The following FRMPD4 variants were observed in gnomAD, a reference collection of about 807,000 sequenced individuals.
FRMPD4 encodes the protein FERM and PDZ domain containing 4, also known as FERM and PDZ domain-containing protein 4.
In FRMPD4, 22 loss-of-function variants were observed where a neutral mutation model predicts 94.1. That is an observed-to-expected ratio of 0.23 (90% CI 0.17 to 0.33). FRMPD4 has a LOEUF of 0.33. Among genes scored for constraint, FRMPD4 ranks in the 10% least tolerant of loss-of-function variants. The pLI is 1.00. For missense variants in FRMPD4, 1,111 were observed against 1,339.9 expected (o/e 0.83, Z 2.67); for synonymous variants, 631 against 548.6 (o/e 1.15, Z -2.10).
At chrX:12,150,618 T>A (rs761779187) in intron 1 of FRMPD4, among the ~76,000 whole-genome samples, 1 of 112,280 alleles carries the variant, frequency 8.9e-6, no homozygotes, top group Non-Finnish European at 1.9e-5. Context: ...TATTTATGTA[T>A]CTTTTCTTTA....
chrX:12,462,198 G>A (rs955359136), intron 1 of FRMPD4, among the ~76,000 whole-genome samples: 9 of 111,877 alleles, frequency 8.0e-5, no homozygotes, highest in African/African-American at 2.6e-4. Context: ...CATAGGGAAG[G>A]ATAATGAATA....
intron 3 of FRMPD4, among the ~76,000 whole-genome samples, chrX:11,985,651 A>G (rs183925326): frequency 4.1e-4 from 46 of 112,310 alleles, no homozygotes; most frequent in African/African-American, 1.5e-3. Context: ...GCTCTGGTCT[A>G]AAGGATCCCA....
chrX:12,491,101 C>T (rs1157315740), intron 1 of FRMPD4, among the ~76,000 whole-genome samples: 2 of 110,694 alleles, frequency 1.8e-5, no homozygotes, highest in Non-Finnish European at 3.8e-5. Flanking sequence ...TGTTTTCACA[C>T]CTTCAGTACT....
rs1220032915 is a variant in FRMPD4 at position 12,331,699 on chromosome X, A to AATT, written c.42-166979_42-166978insTAT. 3.6e-4 allele frequency among the ~76,000 whole-genome samples: 23 copies of AATT among 64,030 alleles called. 5 individuals carry two copies. Among genetic ancestry groups the AATT allele is most frequent in the African/African-American group, 2.2e-3 (23 of 10,600 alleles). The allele number at this position is 64,030 out of a possible 115,157, so 55.6% of individuals were successfully genotyped here. On this transcript the variant is annotated intron_variant, in intron 1 of 16. Coordinates refer to ENST00000675598, the MANE Select transcript of FRMPD4 (RefSeq NM_001368397.1). Reference sequence around the variant, plus strand: ...AAATTATATATTTATATAATATATAAATATATAATATATAATTTATATATA... The same window carrying AATT: ...AAATTATATATTTATATAATATATAAATTATATATAATATATAATTTATATATA...
chrX:12,473,907 A>G lies in FRMPD4; in HGVS notation c.42-24773A>G, dbSNP rs143979671. Among the ~76,000 whole-genome samples the G allele has an allele frequency of 8.0e-3, 870 of 109,434 alleles. 33 individuals carry two copies. Among genetic ancestry groups the G allele is most frequent in the Admixed American group, 0.072 (745 of 10,372 alleles). ...CACTGTCAACATTACACAGATCGAC[A>G]AGACAGAAAGTTAACAAGGAAATCC... On this transcript the variant is annotated intron_variant, in intron 1 of 16. Transcript: ENST00000675598.
intron 3 of FRMPD4, among the ~76,000 whole-genome samples, chrX:11,934,027 C>G (rs150350709): frequency 8.9e-6 from 1 of 112,149 alleles, no homozygotes; most frequent in African/African-American, 3.2e-5. Flanking sequence ...GCCAGTCATA[C>G]TTAAATGGTG....
At chrX:12,053,410 GAAAGAAAGAAAGAAAGAA>G (rs2054833968) in intron 3 of FRMPD4, among the ~76,000 whole-genome samples, 1 of 90,830 alleles carries the variant, frequency 1.1e-5, no homozygotes, top group African/African-American at 4.0e-5. Context: ...AAGAAAGAAA[GAAAGAAAGAAAGAAAGAA>G]AGAGAAAGAA....
intron 2 of FRMPD4, among the ~76,000 whole-genome samples, chrX:12,553,587 C>A (rs779498305): frequency 1.9e-5 from 2 of 107,091 alleles, no homozygotes; most frequent in Non-Finnish European, 3.8e-5. Flanking sequence ...GGTCTTTACA[C>A]CAGTCCCCCA....
At position 12,560,477 on chromosome X, in the gene FRMPD4, GA is replaced by G. The variant is rs199808235; in HGVS notation, c.159-49223del. Among the ~76,000 whole-genome samples the G allele has an allele frequency of 7.1e-3, 585 of 82,793 alleles. 4 individuals are homozygous for G. Among genetic ancestry groups the G allele is most frequent in the East Asian group, 0.034 (81 of 2,372 alleles). The allele number at this position is 82,793 out of a possible 115,157, so 71.9% of individuals were successfully genotyped here. A position where few individuals can be genotyped will look rare whatever the true frequency, so the allele number is the denominator to read the frequency against. On this transcript the variant is annotated intron_variant, in intron 2 of 16. Coordinates refer to ENST00000675598, the MANE Select transcript of FRMPD4 (RefSeq NM_001368397.1). ...AGTAATGCATTCTTTCTTTAAAAAT[GA>G]AAAAAAAAAAAAAAAAAAAACCCAG...
At chrX:12,283,698 A>G (rs2054559521) in intron 1 of FRMPD4, among the ~76,000 whole-genome samples, 1 of 110,572 alleles carries the variant, frequency 9.0e-6, no homozygotes, top group Admixed American at 9.6e-5. Context: ...GTGTAAAGAA[A>G]TGATGAATAG....
At chrX:12,449,242 C>A (rs2057236361) in intron 1 of FRMPD4, among the ~76,000 whole-genome samples, 1 of 112,215 alleles carries the variant, frequency 8.9e-6, no homozygotes. Context: ...AACTTTTTTT[C>A]TAACTTCCCA....
At chrX:11,826,782 T>A (rs2053445532) in intron 1 of FRMPD4, among the ~76,000 whole-genome samples, 1 of 111,101 alleles carries the variant, frequency 9.0e-6, no homozygotes, top group African/African-American at 3.3e-5. Context: ...TATCCAGTGT[T>A]AAATAATTAG....
intron 1 of FRMPD4, among the ~76,000 whole-genome samples, chrX:12,435,104 A>G (rs1268098266): frequency 9.0e-6 from 1 of 111,247 alleles, no homozygotes; most frequent in East Asian, 2.8e-4. Flanking sequence ...GTGGTTCTTC[A>G]TCTGTGTTTT....
chrX:11,902,922 G>T (rs1407586204), intron 3 of FRMPD4, among the ~76,000 whole-genome samples: 1 of 111,802 alleles, frequency 8.9e-6, no homozygotes, highest in Non-Finnish European at 1.9e-5. Flanking sequence ...CCACTGGGCT[G>T]GTTGTGGGGT....
chrX:12,237,254 T>C (rs1005468572), intron 1 of FRMPD4, among the ~76,000 whole-genome samples: 1 of 111,786 alleles, frequency 8.9e-6, no homozygotes, highest in South Asian at 3.7e-4. Context: ...TACAGAAATT[T>C]TTTTTTTGGT....
intron 1 of FRMPD4, among the ~76,000 whole-genome samples, chrX:12,161,687 C>T (rs748319878): frequency 8.9e-6 from 1 of 111,743 alleles, no homozygotes; most frequent in East Asian, 2.8e-4. Flanking sequence ...GAAATTAACG[C>T]CACTAGGATA....
chrX:12,173,580 C>T (rs2078607), intron 1 of FRMPD4, among the ~76,000 whole-genome samples: 8,305 of 112,024 alleles, frequency 0.074, 892 homozygotes, highest in East Asian at 0.6. Flanking sequence ...CACATTCAAC[C>T]TGGCTTTGCT....
At chrX:12,466,068 C>A in intron 1 of FRMPD4, among the ~76,000 whole-genome samples, 1 of 111,380 alleles carries the variant, frequency 9.0e-6, no homozygotes, top group Non-Finnish European at 1.9e-5. Flanking sequence ...GTTAGATTCT[C>A]CATGGGACTG....
chrX:12,400,484 G>C (rs1480932376), intron 1 of FRMPD4, among the ~76,000 whole-genome samples: 1 of 111,732 alleles, frequency 8.9e-6, no homozygotes, highest in Non-Finnish European at 1.9e-5. Flanking sequence ...TGTGATTCAA[G>C]GTCACTTGGT....
Sources: allele counts gnomAD v4.1 joint callset (sites outside exome capture counted in the v4.1 genomes callset), GRCh38; gene constraint gnomAD v4.1.1; transcripts MANE v1.5; gene names NCBI Gene and HGNC (gene_info 2026-07-23, HGNC 2026-07-21).